Variants in SLC38A8 observed in about 807,000 individuals in gnomAD.
SLC38A8 encodes amino acid transporter SLC38A8.
Under a neutral mutation model 46.0 loss-of-function variants are expected in SLC38A8, and 65 were observed. The observed-to-expected ratio is 1.41, with a 90% CI of 1.16 to 1.74. The LOEUF (loss-of-function observed/expected upper bound fraction) is 1.74, where lower values mean the gene tolerates loss of function less well. SLC38A8 is among the 40% of genes most tolerant of loss of function. The probability of loss-of-function intolerance (pLI) is 0.00; values close to 1 mark genes in which losing one functional copy is unlikely to be tolerated. For synonymous variants in SLC38A8, 447 were observed against 243.7 expected, an observed-to-expected ratio of 1.83 and a Z score of -7.77; for missense variants, 998 against 567.9, an observed-to-expected ratio of 1.76 and a Z score of -7.70.
chr16:84,031,185 G>A (rs1446937669), intron 5 of SLC38A8, among the ~76,000 whole-genome samples: 1 of 151,918 alleles, frequency 6.6e-6, no homozygotes, highest in Non-Finnish European at 1.5e-5. Flanking sequence ...GATTACAGAT[G>A]CCCACCATCA....
intron 10 of SLC38A8, among the ~76,000 whole-genome samples, chr16:84,010,409 T>G (rs1019025232): frequency 6.6e-6 from 1 of 152,040 alleles, no homozygotes; most frequent in Non-Finnish European, 1.5e-5. Flanking sequence ...CCACCTGTTA[T>G]GTCATAAGCT....
intron 5 of SLC38A8, among the ~76,000 whole-genome samples, 161 bp from the exon 6 acceptor site, chr16:84,029,712 G>C (rs1463896374): frequency 1.4e-5 from 2 of 141,606 alleles, no homozygotes; most frequent in African/African-American, 4.9e-5. Flanking sequence ...TTTGGAAATG[G>C]AAAAGGATGC....
At chr16:84,015,141 C>T (rs952563562) in intron 9 of SLC38A8, among the ~76,000 whole-genome samples, 2 of 152,168 alleles carry the variant, frequency 1.3e-5, no homozygotes, top group East Asian at 1.9e-4. Context: ...ACAGGGTCCA[C>T]TCACGGAACA....
chr16:84,011,042 T>A (rs1193047359), intron 10 of SLC38A8, among the ~76,000 whole-genome samples: 1 of 152,094 alleles, frequency 6.6e-6, no homozygotes, highest in African/African-American at 2.4e-5. Context: ...CAGAGATATT[T>A]GTGGCCCCAT....
In SLC38A8 at chr16:84,042,141, G is replaced by A. The variant is rs1213280051; in HGVS notation, c.17C>T (p.Pro6Leu). 18 of 1,612,608 alleles carry A rather than the reference G, an allele frequency of 1.1e-5. No homozygotes were observed. Among genetic ancestry groups the A allele is most frequent in the Non-Finnish European group, 1.5e-5 (18 of 1,179,388 alleles). Reference protein sequence around the residue: MEGQTPGSRGLPEKPH... With the variant: MEGQTLGSRGLPEKPH... ...CTTTTCTGGAAGGCCCCTGCTTCCT[G>A]GGGTCTGTCCCTCCATGGCTAGAGG... Residue 6 changes from proline to leucine, a missense_variant, in exon 2 of 11, where the codon CCA (proline) becomes CTA (leucine). Physicochemically the swap from Pro to Leu is moderately conservative, Grantham distance 98. Coordinates refer to ENST00000299709, the MANE Select transcript of SLC38A8 (RefSeq NM_001080442.3).
chr16:84,028,955 C>T (rs1433156765), intron 6 of SLC38A8, among the ~76,000 whole-genome samples: 3 of 152,164 alleles, frequency 2.0e-5, no homozygotes, highest in African/African-American at 7.2e-5. Flanking sequence ...CGTCCTCCCT[C>T]CCATGACATT....
chr16:84,022,880 C>T lies in SLC38A8; in HGVS notation c.700G>A (p.Ala234Thr). 1.2e-6 allele frequency: 2 copies of T among 1,602,886 alleles called. No homozygotes were observed. The highest frequency in any genetic ancestry group is 1.7e-6 in the Non-Finnish European group (2 of 1,175,518). The change falls in exon 7 of 11, where the codon GCT (alanine) becomes ACT (threonine). Residue 234 changes from alanine (A) to threonine (T), a missense_variant. Ala to Thr is a moderately conservative substitution (Grantham distance 58, BLOSUM62 0). Coordinates refer to ENST00000299709, the MANE Select transcript of SLC38A8 (RefSeq NM_001080442.3). ...ATGCTGCAGTAGATGGAGACGGCAG[C>T]TTCGTGACACTGTAAGACAGAGGGC... The part of the protein sequence containing the change: ...TICFGFQCHE[A>T]AVSIYCSMRK...
chr16:84,023,168 T>G (rs1567695785), intron 6 of SLC38A8, among the ~76,000 whole-genome samples: 2 of 152,034 alleles, frequency 1.3e-5, no homozygotes, highest in East Asian at 3.9e-4. Context: ...AAACTAGCTC[T>G]CTAGCTCATT....
In SLC38A8 at chr16:84,033,462, G is replaced by A. The variant is rs1450314086; in HGVS notation, c.396C>T (p.Asp132=). Residue 132 remains aspartate (D), a synonymous_variant, in exon 4 of 11, where the codon GAC becomes GAT. Transcript: ENST00000299709. ...VIGDQLEKLC[D]SLLSGTPPAP... ...CGGGCGGGGTGCCAGACAGGAGGGAGTCACACACTGCCAGAGACACGGGGA... is the reference window on the plus strand; with the variant it reads ...CGGGCGGGGTGCCAGACAGGAGGGAATCACACACTGCCAGAGACACGGGGA... 3.7e-6 allele frequency: 6 copies of A among 1,603,740 alleles called. No individual in the cohort carries two copies. Among genetic ancestry groups the A allele is most frequent in the Admixed American group, 1.7e-5 (1 of 59,100 alleles).
Position 84,017,139 on chromosome 16 carries a change from C to G in SLC38A8, c.953+1G>C, listed in dbSNP as rs376096200. On this transcript the variant is annotated splice_donor_variant, in intron 8 of 10. Transcript: ENST00000299709. LOFTEE classifies it high-confidence loss of function. ...GTGCCCCCCACTGAGCCAGGCCTCA[C>G]CTCCCCAGGAAGAGCACGATGGGGT... is the stretch of plus-strand genomic sequence containing the variant. 5.0e-6 allele frequency: 8 copies of G among 1,614,000 alleles called. No homozygotes were observed. The highest frequency in any genetic ancestry group is 5.1e-6 in the Non-Finnish European group (6 of 1,179,986).
At chr16:84,012,845 T>G (rs921417378) in intron 10 of SLC38A8, among the ~76,000 whole-genome samples, 156 bp downstream of exon 10, 1 of 152,166 alleles carries the variant, frequency 6.6e-6, no homozygotes, top group Non-Finnish European at 1.5e-5. Flanking sequence ...TCAGATGCCC[T>G]CATACTGGGT....
intron 6 of SLC38A8, among the ~76,000 whole-genome samples, chr16:84,026,364 T>C (rs2151120780): frequency 6.6e-6 from 1 of 152,274 alleles, no homozygotes; most frequent in East Asian, 1.9e-4. Flanking sequence ...GTAGCTGGGA[T>C]TACAGGCCCG....
At chr16:84,032,039 G>T (rs1382452095) in intron 4 of SLC38A8, 71 bp from the exon 5 acceptor site, 18 of 1,334,946 alleles carry the variant, frequency 1.3e-5, no homozygotes, top group Non-Finnish European at 1.9e-5. Flanking sequence ...GACAGTAGTG[G>T]GATCTGAATC....
At chr16:84,026,814 T>C (rs531095655) in intron 6 of SLC38A8, among the ~76,000 whole-genome samples, 1 of 152,036 alleles carries the variant, frequency 6.6e-6, no homozygotes, top group Non-Finnish European at 1.5e-5. Context: ...TAGGATTCCA[T>C]TCCTAGGAGG....
chr16:84,016,488 G>C lies in SLC38A8; in HGVS notation c.1162+31C>G, dbSNP rs779810939. The C allele has an allele frequency of 1.9e-6, 3 of 1,607,036 alleles. No homozygotes were observed. The African/African-American group carries it at 4.0e-5, about 21-fold the overall frequency. On this transcript the variant is annotated intron_variant, in intron 9 of 10. Transcript: ENST00000299709. ...CAGAGATGAGCAGGGAAGAACAAGT[G>C]GGCAGAAAGCCTGGAAAGCAGGGGC...
At chr16:84,040,907 G>A (rs777085105) in intron 2 of SLC38A8, among the ~76,000 whole-genome samples, 5 of 152,228 alleles carry the variant, frequency 3.3e-5, no homozygotes, top group South Asian at 2.1e-4. Context: ...GGCCAGGCAC[G>A]GGGCAGGAGC....
intron 4 of SLC38A8, 84 bp downstream of exon 4, chr16:84,033,244 T>C (rs1178797098): frequency 8.3e-6 from 13 of 1,571,814 alleles, no homozygotes; most frequent in Non-Finnish European, 1.1e-5. Flanking sequence ...ATTCCCCAGC[T>C]CCTCTGACCC....
intron 5 of SLC38A8, among the ~76,000 whole-genome samples, chr16:84,029,818 G>T (rs148885967): frequency 6.6e-6 from 1 of 152,218 alleles, no homozygotes; most frequent in African/African-American, 2.4e-5. Flanking sequence ...AACCGCAGTA[G>T]GAACTCCCAA....
chr16:84,036,443 A>G (rs56969027), intron 3 of SLC38A8, among the ~76,000 whole-genome samples: 23,147 of 152,266 alleles, frequency 0.15, 1,899 homozygotes, highest in East Asian at 0.27. Context: ...TCATCTGTGA[A>G]ACGACTTATC....
Sources: allele counts gnomAD v4.1 joint callset (sites outside exome capture counted in the v4.1 genomes callset), GRCh38; gene constraint gnomAD v4.1.1; transcripts MANE v1.5; gene names NCBI Gene and HGNC (gene_info 2026-07-23, HGNC 2026-07-21).